Variants in RABL3 observed in about 807,000 individuals in gnomAD.
RABL3 encodes the protein RAB, member of RAS oncogene family like 3, also known as rab-like protein 3.
A neutral mutation model predicts 31.8 loss-of-function variants in RABL3; 31 were observed. The ratio of observed to expected loss-of-function variants is 0.97; its 90% CI spans 0.73 to 1.31. RABL3 has a LOEUF of 1.31. RABL3 is among the 40% of genes most tolerant of loss of function. The pLI is 0.00. For missense variants in RABL3, 263 were observed against 279.6 expected (o/e 0.94, Z 0.42); for synonymous variants, 97 against 99.9 (o/e 0.97, Z 0.18).
chr3:120,694,098 T>C, intron 6 of RABL3, 55 bp downstream of exon 6: 1 of 1,193,942 alleles, frequency 8.4e-7, no homozygotes, highest in East Asian at 2.5e-5. Flanking sequence ...AAAAAAATTT[T>C]AAACTCTCAT....
In RABL3 at chr3:120,688,111, G is replaced by T. The variant is rs1275913180; in HGVS notation, c.*1712C>A. ...TGGCCTATTTTTATTTTTTAAATAA[G>T]ATAGAAAATAAAAAAATCAGGATGA... On this transcript the variant is annotated 3_prime_UTR_variant, in exon 8 of 8. Coordinates refer to ENST00000273375, the MANE Select transcript of RABL3 (RefSeq NM_173825.5). The T allele has an allele frequency of 1.3e-5, 2 of 151,958 alleles. No homozygotes were observed. The highest frequency in any genetic ancestry group is 2.4e-5 in the African/African-American group (1 of 41,310). The allele number at this position is 151,958 out of a possible 1,614,324, so 9.4% of individuals were successfully genotyped here.
At chr3:120,734,829 T>C (rs1279306526) in intron 1 of RABL3, among the ~76,000 whole-genome samples, 1 of 152,254 alleles carries the variant, frequency 6.6e-6, no homozygotes, top group African/African-American at 2.4e-5. Context: ...TGGTTCTGTT[T>C]ATATGCTGGA....
chr3:120,694,613 G>C (rs1001299024), intron 5 of RABL3, among the ~76,000 whole-genome samples: 2 of 152,036 alleles, frequency 1.3e-5, no homozygotes, highest in African/African-American at 4.8e-5. Context: ...TTTAGTACTA[G>C]TTAATCACCA....
intron 3 of RABL3, among the ~76,000 whole-genome samples, chr3:120,708,197 T>G (rs1467931833): frequency 1.3e-5 from 2 of 151,812 alleles, no homozygotes; most frequent in African/African-American, 4.8e-5. Context: ...CAGAAATAGG[T>G]TTTTCAATAA....
intron 2 of RABL3, among the ~76,000 whole-genome samples, chr3:120,710,989 G>A (rs1708606912): frequency 6.6e-6 from 1 of 152,072 alleles, no homozygotes; most frequent in African/African-American, 2.4e-5. Context: ...CCTCCACATT[G>A]TTAACTCCAA....
At position 120,696,402 on chromosome 3, in the gene RABL3, C is replaced by T. The variant is rs111988029; in HGVS notation, c.534+2021G>A. ...TCAATTTTCCTCCTCATTTTTTCTT[C>T]CCTGCATTCTCTGACCCTCTCCTAT... On this transcript the variant is annotated intron_variant, in intron 5 of 7. Coordinates refer to ENST00000273375, the MANE Select transcript of RABL3 (RefSeq NM_173825.5). Among the ~76,000 whole-genome samples, 6 of 152,012 alleles carry T rather than the reference C, an allele frequency of 3.9e-5. 1 individual carries two copies. Among genetic ancestry groups the T allele is most frequent in the African/African-American group, 9.6e-5 (4 of 41,470 alleles).
chr3:120,713,656 T>C (rs1708635795), intron 2 of RABL3, among the ~76,000 whole-genome samples: 1 of 152,178 alleles, frequency 6.6e-6, no homozygotes, highest in African/African-American at 2.4e-5. Context: ...GTACAGCTGA[T>C]CATCAAATGG....
chr3:120,728,449 T>C (rs1217105932), intron 2 of RABL3, among the ~76,000 whole-genome samples: 2 of 152,204 alleles, frequency 1.3e-5, no homozygotes, highest in Admixed American at 1.3e-4. Flanking sequence ...TATGTCATGC[T>C]CTTTCACAGA....
intron 6 of RABL3, among the ~76,000 whole-genome samples, chr3:120,692,025 T>A (rs1163888086): frequency 6.6e-6 from 1 of 152,160 alleles, no homozygotes; most frequent in Non-Finnish European, 1.5e-5. Context: ...GGTAGAAAAG[T>A]TGGTTTATCA....
chr3:120,699,744 C>T (rs1009058254), intron 4 of RABL3, among the ~76,000 whole-genome samples: 2 of 152,092 alleles, frequency 1.3e-5, no homozygotes, highest in East Asian at 1.9e-4. Context: ...TGTTCAGCCT[C>T]GGAACACAAG....
At chr3:120,720,051 C>T (rs190078582) in intron 2 of RABL3, among the ~76,000 whole-genome samples, 3 of 152,204 alleles carry the variant, frequency 2.0e-5, no homozygotes, top group Non-Finnish European at 1.5e-5. Flanking sequence ...CTATAGCCTC[C>T]GCTGGTGATA....
At chr3:120,726,853 T>C (rs1397030021) in intron 2 of RABL3, among the ~76,000 whole-genome samples, 1 of 152,094 alleles carries the variant, frequency 6.6e-6, no homozygotes, top group Non-Finnish European at 1.5e-5. Context: ...GTATGTTCTC[T>C]AAGCACAATG....
chr3:120,705,907 C>A, intron 4 of RABL3, 93 bp downstream of exon 4: 1 of 790,664 alleles, frequency 1.3e-6, no homozygotes, highest in Non-Finnish European at 2.2e-6. Flanking sequence ...AAAGAAAAAT[C>A]TTTGCAAATC....
intron 1 of RABL3, among the ~76,000 whole-genome samples, chr3:120,737,778 T>G (rs939129790): frequency 6.6e-6 from 1 of 152,238 alleles, no homozygotes; most frequent in Non-Finnish European, 1.5e-5. Context: ...TGGATTTTGA[T>G]GGAGGTCCGC....
intron 1 of RABL3, among the ~76,000 whole-genome samples, chr3:120,738,161 G>A (rs1028666200): frequency 1.3e-5 from 2 of 152,302 alleles, no homozygotes; most frequent in Admixed American, 6.5e-5. Flanking sequence ...CACCCAGTTC[G>A]AGCTTCCTGG....
rs549403235 is a variant in RABL3 at position 120,732,769 on chromosome 3, G to A, written c.47-1982C>T. On this transcript the variant is annotated intron_variant, in intron 1 of 7. Transcript: ENST00000273375. ...TGATGTTCCCTTCCTGTGTCCAAGT[G>A]TTCTCATTGTTCAATTCCCACCTAT... Among the ~76,000 whole-genome samples the A allele has an allele frequency of 1.7e-3, 241 of 142,250 alleles. 1 individual carries two copies. Among genetic ancestry groups the A allele is most frequent in the African/African-American group, 6.0e-3 (224 of 37,634 alleles). The allele number at this position is 142,250 out of a possible 152,430, so 93.3% of individuals were successfully genotyped here.
At position 120,689,960 on chromosome 3, in the gene RABL3, T is replaced by C. The variant is rs1576328402; in HGVS notation, c.646-72A>G. The stretch of plus-strand genomic sequence containing the variant: ...TCAAATACTAATAGTAATTTTTCCC[T>C]TCTTTTCCATTTCTGTATGTCAGCC... On this transcript the variant is annotated intron_variant, in intron 7 of 7. Coordinates refer to ENST00000273375, the MANE Select transcript of RABL3 (RefSeq NM_173825.5). 7.2e-6 allele frequency: 9 copies of C among 1,252,022 alleles called. No individual in the cohort carries two copies. In the East Asian group the frequency reaches 1.2e-4, roughly 16 times the overall value. 77.6% of individuals were successfully genotyped at this position (1,252,022 alleles called of 1,614,324 possible).
At chr3:120,709,704 A>T (rs1312720480) in intron 3 of RABL3, 76 bp downstream of exon 3, 1 of 1,087,556 alleles carries the variant, frequency 9.2e-7, no homozygotes, top group Non-Finnish European at 1.3e-6. Context: ...TGAGTCTGGC[A>T]TGCTATGGCA....
intron 2 of RABL3, among the ~76,000 whole-genome samples, chr3:120,725,557 T>C (rs1708807784): frequency 6.6e-6 from 1 of 152,188 alleles, no homozygotes; most frequent in East Asian, 1.9e-4. Flanking sequence ...CAAATGTCCA[T>C]CAATGGTAGA....
Sources: gnomAD v4.1 joint callset for allele counts (sites outside exome capture counted in the v4.1 genomes callset) on GRCh38, gnomAD v4.1.1 for gene constraint, MANE v1.5 for transcripts, NCBI Gene and HGNC (gene_info 2026-07-23, HGNC 2026-07-21) for gene names.